Variants in RNF169 observed in about 807,000 individuals in gnomAD.
RNF169 encodes E3 ubiquitin-protein ligase RNF169.
In RNF169, 24 loss-of-function variants were observed where a neutral mutation model predicts 53.9. The observed-to-expected ratio is 0.45, with a 90% CI of 0.32 to 0.63. The LOEUF (loss-of-function observed/expected upper bound fraction) is 0.63, where lower values mean the gene tolerates loss of function less well. Ranked by LOEUF, RNF169 falls within the 20% of genes least tolerant of loss-of-function variation. RNF169 has a pLI of 0.04. For missense variants in RNF169, 883 were observed against 906.2 expected (o/e 0.97, Z 0.33); for synonymous variants, 396 against 363.5 (o/e 1.09, Z -1.02).
Position 74,805,724 on chromosome 11 carries a change from T to C in RNF169, c.577-4460T>C, listed in dbSNP as rs193133162. Among the ~76,000 whole-genome samples, 10 of 152,298 alleles carry C rather than the reference T, an allele frequency of 6.6e-5. No homozygotes were observed. The East Asian group carries it at 7.7e-4, about 12-fold the overall frequency. ...TCAGAACCTGATACTTCTTGTTTTC[T>C]GAAGAGTACAGTTGACCATTGAATA... On this transcript the variant is annotated intron_variant, in intron 2 of 5. Transcript: ENST00000299563.
intron 1 of RNF169, among the ~76,000 whole-genome samples, chr11:74,785,941 C>CTTTTTTTTTTTTT (rs796451609): frequency 7.7e-6 from 1 of 130,226 alleles, no homozygotes; most frequent in East Asian, 2.2e-4. Context: ...GTTTTCTTTT[C>CTTTTTTTTTTTTT]TTTTTTTTTT....
chr11:74,827,375 C>T (rs11518728), intron 4 of RNF169, among the ~76,000 whole-genome samples: 2,195 of 152,300 alleles, frequency 0.014, 25 homozygotes, highest in Non-Finnish European at 0.023. Context: ...GCTTTCTGGG[C>T]CTGCAGTGGG....
intron 1 of RNF169, among the ~76,000 whole-genome samples, chr11:74,770,525 TCTAAA>T (rs1455688450): frequency 6.6e-6 from 1 of 152,236 alleles, no homozygotes; most frequent in Non-Finnish European, 1.5e-5. Flanking sequence ...GTTACTGACA[TCTAAA>T]CATATCTACC....
intron 1 of RNF169, among the ~76,000 whole-genome samples, chr11:74,750,731 G>A (rs1175212925): frequency 6.7e-6 from 1 of 149,198 alleles, no homozygotes; most frequent in Non-Finnish European, 1.5e-5. Context: ...GCAGCCTCCC[G>A]AGTAGCTGGG....
Position 74,819,885 on chromosome 11 carries a change from T to C in RNF169, c.842+2171T>C, listed in dbSNP as rs552917790. Among the ~76,000 whole-genome samples, 15 of 152,310 alleles carry C rather than the reference T, an allele frequency of 9.8e-5. No individual in the cohort carries two copies. The South Asian group carries it at 2.7e-3, about 27-fold the overall frequency. On this transcript the variant is annotated intron_variant, in intron 4 of 5. Coordinates refer to ENST00000299563, the MANE Select transcript of RNF169 (RefSeq NM_001098638.2). Reference sequence around the variant, plus strand: ...TAGTAGAAATTAACCGTAGCTACATTGTTTTGTTTTCTAACGTGCAGATAC... The same window carrying C: ...TAGTAGAAATTAACCGTAGCTACATCGTTTTGTTTTCTAACGTGCAGATAC...
At chr11:74,785,522 A>G (rs2035487729) in intron 1 of RNF169, among the ~76,000 whole-genome samples, 1 of 151,724 alleles carries the variant, frequency 6.6e-6, no homozygotes, top group African/African-American at 2.4e-5. Context: ...TTAAATGTTT[A>G]AGTTAATATC....
chr11:74,756,327 C>T (rs1327302030), intron 1 of RNF169, among the ~76,000 whole-genome samples: 1 of 152,118 alleles, frequency 6.6e-6, no homozygotes, highest in Non-Finnish European at 1.5e-5. Flanking sequence ...ATAGAGCAGG[C>T]TAATAGAGGA....
At chr11:74,753,713 G>A (rs748890098) in intron 1 of RNF169, among the ~76,000 whole-genome samples, 14 of 152,014 alleles carry the variant, frequency 9.2e-5, no homozygotes, top group African/African-American at 2.4e-4. Flanking sequence ...TTTAAGTGAC[G>A]TTCTTAATTT....
chr11:74,749,269 G>C lies in RNF169; in HGVS notation c.389G>C (p.Gly130Ala). 5 of 1,134,696 alleles carry C rather than the reference G, an allele frequency of 4.4e-6. No individual in the cohort carries two copies. The highest frequency in any genetic ancestry group is 5.4e-6 in the Non-Finnish European group (5 of 926,954). The allele number at this position is 1,134,696 out of a possible 1,614,324, so 70.3% of individuals were successfully genotyped here. A position where few individuals can be genotyped will look rare whatever the true frequency, so the allele number is the denominator to read the frequency against. ...GGCCAGGCCGACTCAGAGGTGCTGG[G>C]CGAGTGCGCCCGCCGCAGCCAACCC... ...DDGQADSEVLGECARRSQPER... is the reference protein window; with the variant it reads ...DDGQADSEVLAECARRSQPER... Residue 130 changes from glycine to alanine, a missense_variant, in exon 1 of 6, where the codon GGC (glycine) becomes GCC (alanine). Physicochemically the swap from Gly to Ala is moderately conservative, Grantham distance 60. Around this residue, in one of 3 missense-constraint regions of RNF169, gnomAD observed 313 missense variants for 279.9 expected, o/e 1.12. Coordinates refer to ENST00000299563, the MANE Select transcript of RNF169 (RefSeq NM_001098638.2).
chr11:74,809,547 T>G (rs998224687), intron 2 of RNF169, among the ~76,000 whole-genome samples: 1 of 152,222 alleles, frequency 6.6e-6, no homozygotes, highest in African/African-American at 2.4e-5. Context: ...ACAGCCAGGT[T>G]CAGTGGCTCA....
In RNF169 at chr11:74,769,232, G is replaced by T. The variant is rs558029660; in HGVS notation, c.502+19850G>T. Among the ~76,000 whole-genome samples, 6 of 152,300 alleles carry T rather than the reference G, an allele frequency of 3.9e-5. No individual in the cohort carries two copies. In the South Asian group the frequency reaches 1.2e-3, roughly 32 times the overall value. On this transcript the variant is annotated intron_variant, in intron 1 of 5. Transcript: ENST00000299563. ...AGATTTGAATAGGCATTTCATAGAA[G>T]AAGGAAACTGAAAGTCTGGTAAACA...
Position 74,772,641 on chromosome 11 carries a change from C to T in RNF169, c.503-16985C>T, listed in dbSNP as rs933563984. Among the ~76,000 whole-genome samples the T allele has an allele frequency of 1.8e-4, 28 of 152,190 alleles. 2 individuals carry two copies. The highest frequency in any genetic ancestry group is 1.1e-3 in the Admixed American group (17 of 15,278). On this transcript the variant is annotated intron_variant, in intron 1 of 5. Coordinates refer to ENST00000299563, the MANE Select transcript of RNF169 (RefSeq NM_001098638.2). ...GAGTAGAGCGTTTAGCTTTTCTGAGCCTCAGCTTCCATATTTGTAAGTGGA... is the reference window on the plus strand; with the variant it reads ...GAGTAGAGCGTTTAGCTTTTCTGAGTCTCAGCTTCCATATTTGTAAGTGGA...
chr11:74,823,019 A>G lies in RNF169; in HGVS notation c.842+5305A>G, dbSNP rs183394276. Among the ~76,000 whole-genome samples, 579 of 152,260 alleles carry G rather than the reference A, an allele frequency of 3.8e-3. 6 individuals are homozygous for G. The highest frequency in any genetic ancestry group is 0.027 in the Middle Eastern group (8 of 294). ...CACTTTAAATCCTAAGAACATTGTC[A>G]GGTTTATTGCTCTTGACTATTCTGC... is the stretch of plus-strand genomic sequence containing the variant. On this transcript the variant is annotated intron_variant, in intron 4 of 5. Coordinates refer to ENST00000299563, the MANE Select transcript of RNF169 (RefSeq NM_001098638.2).
At chr11:74,764,856 C>G (rs144477254) in intron 1 of RNF169, among the ~76,000 whole-genome samples, 2 of 152,156 alleles carry the variant, frequency 1.3e-5, no homozygotes, top group African/African-American at 2.4e-5. Flanking sequence ...CTATACGTAA[C>G]GTAGTTCAAT....
At chr11:74,787,107 C>T (rs1327254856) in intron 1 of RNF169, among the ~76,000 whole-genome samples, 2 of 151,952 alleles carry the variant, frequency 1.3e-5, no homozygotes, top group Non-Finnish European at 2.9e-5. Context: ...ATGCATTCTA[C>T]CAGAAGAAAA....
intron 1 of RNF169, among the ~76,000 whole-genome samples, chr11:74,777,358 CATG>C (rs990943506): frequency 9.2e-5 from 14 of 152,262 alleles, no homozygotes; most frequent in South Asian, 6.2e-4. Context: ...GATTTTGTAT[CATG>C]GTGGTGGTAG....
At chr11:74,781,476 A>G (rs570798901) in intron 1 of RNF169, among the ~76,000 whole-genome samples, 155 of 152,306 alleles carry the variant, frequency 1.0e-3, no homozygotes, top group African/African-American at 3.2e-3. Flanking sequence ...TAGTTAATCA[A>G]TCTTTATTTG....
chr11:74,785,254 G>GAT (rs372269376), intron 1 of RNF169, among the ~76,000 whole-genome samples: 56,590 of 135,484 alleles, frequency 0.42, 13,131 homozygotes, highest in African/African-American at 0.62. Context: ...ATATATGTTA[G>GAT]ATATATATGT....
intron 3 of RNF169, among the ~76,000 whole-genome samples, chr11:74,812,542 G>A (rs1055515750): frequency 5.3e-5 from 8 of 152,082 alleles, no homozygotes; most frequent in Admixed American, 2.0e-4. Context: ...CTGGGCTCAA[G>A]GGATCCTCCC....
Sources: gnomAD v4.1 joint callset for allele counts (sites outside exome capture counted in the v4.1 genomes callset) on GRCh38, gnomAD v4.1.1 for gene constraint, gnomAD v4.1.1 regional missense constraint, MANE v1.5 for transcripts, NCBI Gene and HGNC (gene_info 2026-07-23, HGNC 2026-07-21) for gene names.